Variants in FAM219A observed in about 807,000 individuals in gnomAD.
The protein encoded by FAM219A is protein FAM219A.
In FAM219A, 7 loss-of-function variants were observed where a neutral mutation model predicts 23.4. The ratio of observed to expected loss-of-function variants is 0.30; its 90% CI spans 0.17 to 0.56. FAM219A has a LOEUF of 0.56. Among genes scored for constraint, FAM219A ranks in the 20% least tolerant of loss-of-function variants. The pLI is 0.92. For synonymous variants in FAM219A, 93 were observed against 99.0 expected (o/e 0.94, Z 0.36); for missense variants, 166 against 246.9 (o/e 0.67, Z 2.20).
intron 1 of FAM219A, among the ~76,000 whole-genome samples, chr9:34,423,269 T>C (rs956560910): frequency 6.6e-6 from 1 of 152,188 alleles, no homozygotes; most frequent in African/African-American, 2.4e-5. Context: ...TGACAGAGGT[T>C]TGTATGTGTA....
At chr9:34,423,892 G>A (rs1822366978) in intron 1 of FAM219A, among the ~76,000 whole-genome samples, 1 of 152,170 alleles carries the variant, frequency 6.6e-6, no homozygotes, top group African/African-American at 2.4e-5. Flanking sequence ...CCTGACTCAG[G>A]TGACTGCGTG....
At chr9:34,437,767 T>A (rs1822976472) in intron 1 of FAM219A, among the ~76,000 whole-genome samples, 1 of 152,244 alleles carries the variant, frequency 6.6e-6, no homozygotes, top group Non-Finnish European at 1.5e-5. Flanking sequence ...GTGCTGGCAG[T>A]CCTCACAGCC....
intron 1 of FAM219A, among the ~76,000 whole-genome samples, chr9:34,424,759 G>A (rs1306331731): frequency 6.6e-6 from 1 of 152,168 alleles, no homozygotes; most frequent in Non-Finnish European, 1.5e-5. Flanking sequence ...AACATCCAGA[G>A]GGAGGCTCAA....
intron 1 of FAM219A, among the ~76,000 whole-genome samples, chr9:34,452,796 G>T (rs111529875): frequency 3.0e-4 from 45 of 152,262 alleles, no homozygotes; most frequent in African/African-American, 1.0e-3. Context: ...CCTATGGCCA[G>T]TTCCTAGGGC....
intron 1 of FAM219A, among the ~76,000 whole-genome samples, chr9:34,433,938 C>T (rs1013589757): frequency 6.6e-6 from 1 of 152,172 alleles, no homozygotes; most frequent in Admixed American, 6.5e-5. Context: ...CGCGGTGGCT[C>T]ATGCCTGTAA....
chr9:34,431,102 T>TG (rs2131981951), intron 1 of FAM219A, among the ~76,000 whole-genome samples: 1 of 152,352 alleles, frequency 6.6e-6, no homozygotes, highest in Non-Finnish European at 1.5e-5. Flanking sequence ...AAGTAGCTCC[T>TG]GCATGACTCC....
chr9:34,406,634 T>TA lies in FAM219A; in HGVS notation c.61-671dup, dbSNP rs543001954. Among the ~76,000 whole-genome samples the TA allele has an allele frequency of 9.2e-5, 14 of 152,342 alleles. No homozygotes were observed. The East Asian group carries it at 1.9e-3, about 21-fold the overall frequency. Reference sequence around the variant, plus strand: ...AATGACAAACCAGCAGGTGGCCAGTTAGTCTTTTGCTGCCCAGAGTGCAAA... The same window carrying TA: ...AATGACAAACCAGCAGGTGGCCAGTTAAGTCTTTTGCTGCCCAGAGTGCAAA... On this transcript the variant is annotated intron_variant, in intron 1 of 5. Transcript: ENST00000651358.
At chr9:34,448,146 C>T (rs898307629) in intron 1 of FAM219A, among the ~76,000 whole-genome samples, 2 of 152,182 alleles carry the variant, frequency 1.3e-5, no homozygotes, top group African/African-American at 4.8e-5. Flanking sequence ...ACTGGGATTA[C>T]AGGCATGAGC....
chr9:34,439,626 CA>C (rs754825704), intron 1 of FAM219A, among the ~76,000 whole-genome samples: 27 of 151,288 alleles, frequency 1.8e-4, no homozygotes, highest in Non-Finnish European at 3.8e-4. Context: ...GAGTCAACAA[CA>C]AAAAAAAGGT....
At chr9:34,404,709 AAACAACAAC>A (rs3036359) in intron 2 of FAM219A, among the ~76,000 whole-genome samples, 10 of 151,016 alleles carry the variant, frequency 6.6e-5, no homozygotes, top group Admixed American at 4.6e-4. Flanking sequence ...CTCTGTCTCA[AAACAACAAC>A]AACAACAACA....
intron 1 of FAM219A, among the ~76,000 whole-genome samples, chr9:34,419,345 G>T (rs1405110097): frequency 3.9e-5 from 6 of 152,032 alleles, no homozygotes; most frequent in Admixed American, 1.3e-4. Context: ...ACGGGGCTGG[G>T]GATTTGGGGT....
intron 1 of FAM219A, chr9:34,406,496 T>C (rs1179373017): frequency 2.0e-6 from 2 of 985,336 alleles, no homozygotes; most frequent in Non-Finnish European, 1.2e-6. Flanking sequence ...CTACAGCCAC[T>C]GGACAAAAAA....
At chr9:34,452,199 G>A (rs760838228) in intron 1 of FAM219A, among the ~76,000 whole-genome samples, 2 of 152,184 alleles carry the variant, frequency 1.3e-5, no homozygotes, top group Non-Finnish European at 2.9e-5. Flanking sequence ...GCAGATGAGC[G>A]TGTTTCTCAG....
chr9:34,454,956 T>A (rs549223525), intron 1 of FAM219A, among the ~76,000 whole-genome samples: 13 of 152,272 alleles, frequency 8.5e-5, no homozygotes, highest in African/African-American at 3.1e-4. Context: ...GGGGCAATGA[T>A]GATGACACCA....
intron 1 of FAM219A, among the ~76,000 whole-genome samples, chr9:34,434,552 G>C (rs370183856): frequency 2.0e-5 from 3 of 151,326 alleles, no homozygotes; most frequent in Non-Finnish European, 4.4e-5. Flanking sequence ...CAAGTTTCCT[G>C]GTCCCTTTCC....
intron 1 of FAM219A, among the ~76,000 whole-genome samples, chr9:34,416,215 G>GAA (rs1255693090): frequency 2.8e-5 from 3 of 106,122 alleles, no homozygotes; most frequent in Non-Finnish European, 5.5e-5. Context: ...AAGAAAGAAA[G>GAA]AAAGAAAGAA....
intron 1 of FAM219A, among the ~76,000 whole-genome samples, chr9:34,425,296 A>G (rs1588051791): frequency 1.3e-5 from 2 of 152,024 alleles, no homozygotes; most frequent in African/African-American, 4.8e-5. Context: ...CCTGGCCAAC[A>G]TGGTGCAACC....
Position 34,398,268 on chromosome 9 carries a change from TAAAA to T in FAM219A, c.*2692_*2695del. ...ATGGTCAATACTGCAATGAAAATGT[TAAAA>T]AAAATATTATACACGGCTCATGTCT... On this transcript the variant is annotated 3_prime_UTR_variant, in exon 6 of 6. Coordinates refer to ENST00000651358, the MANE Select transcript of FAM219A (RefSeq NM_001184940.2). 1 of 1,549,562 alleles carries T rather than the reference TAAAA, an allele frequency of 6.5e-7. No individual in the cohort carries two copies. Among genetic ancestry groups the T allele is most frequent in the Middle Eastern group, 1.7e-4 (1 of 5,986 alleles).
chr9:34,407,022 C>T (rs1028277961), intron 1 of FAM219A, among the ~76,000 whole-genome samples: 5 of 151,952 alleles, frequency 3.3e-5, no homozygotes, highest in Non-Finnish European at 2.9e-5. Flanking sequence ...AGGCTGGTCT[C>T]GAACTCCTGA....
Sources: allele counts gnomAD v4.1 joint callset (sites outside exome capture counted in the v4.1 genomes callset), GRCh38; gene constraint gnomAD v4.1.1; transcripts MANE v1.5; gene names NCBI Gene and HGNC (gene_info 2026-07-23, HGNC 2026-07-21).